Variants in MYO18A observed in about 807,000 individuals in gnomAD.
MYO18A encodes the protein unconventional myosin-XVIIIa.
In MYO18A, 78 loss-of-function variants were observed where a neutral mutation model predicts 235.8. That is an observed-to-expected ratio of 0.33 (90% CI 0.28 to 0.40). MYO18A has a LOEUF of 0.40. Ranked by LOEUF, MYO18A falls within the 10% of genes least tolerant of loss-of-function variation. MYO18A has a pLI of 1.00. For missense variants in MYO18A, 2,215 were observed against 2,699.3 expected (o/e 0.82, Z 3.98); for synonymous variants, 977 against 1,077.8 (o/e 0.91, Z 1.83).
intron 1 of MYO18A, among the ~76,000 whole-genome samples, chr17:29,171,245 C>T (rs188124418): frequency 6.6e-6 from 1 of 151,892 alleles, no homozygotes; most frequent in Non-Finnish European, 1.5e-5. Context: ...GCCAAGAGAT[C>T]GAGACCATCC....
chr17:29,132,651 C>T (rs529296167), intron 2 of MYO18A, among the ~76,000 whole-genome samples: 7 of 152,190 alleles, frequency 4.6e-5, no homozygotes, highest in Non-Finnish European at 1.0e-4. Flanking sequence ...ATTAGCAGTG[C>T]CAGGGGCACT....
chr17:29,089,419 C>CA (rs56389977), intron 37 of MYO18A, among the ~76,000 whole-genome samples: 14,515 of 23,678 alleles, frequency 0.61, 5,846 homozygotes, highest in East Asian at 0.66. Context: ...GACTCTGTCT[C>CA]AAAAAAAAAA....
chr17:29,138,772 C>T (rs1370410796), intron 2 of MYO18A, among the ~76,000 whole-genome samples: 1 of 152,180 alleles, frequency 6.6e-6, no homozygotes, highest in African/African-American at 2.4e-5. Context: ...GGGACTCACA[C>T]TCAGGTCTCC....
In MYO18A at chr17:29,115,459, C is replaced by A. The variant is rs778181824; in HGVS notation, c.2228-18G>T. On this transcript the variant is annotated intron_variant, in intron 12 of 41. Transcript: ENST00000527372. ...TTTCGGGCCTGTGGGGCAGGGGGAG[C>A]AGCGCTATCTCCTTCTCCCCAGGGC... 6.2e-7 allele frequency: 1 copy of A among 1,610,522 alleles called. No individual in the cohort carries two copies. The highest frequency in any genetic ancestry group is 8.5e-7 in the Non-Finnish European group (1 of 1,178,578).
chr17:29,153,025 G>A (rs1804618018), intron 2 of MYO18A, among the ~76,000 whole-genome samples: 1 of 152,162 alleles, frequency 6.6e-6, no homozygotes, highest in South Asian at 2.1e-4. Flanking sequence ...AATGCTCACT[G>A]ACTCTAGGCA....
chr17:29,086,906 G>A (rs1256466469), intron 38 of MYO18A, 30 bp downstream of exon 38: 1 of 1,593,122 alleles, frequency 6.3e-7, no homozygotes, highest in Admixed American at 1.7e-5. Context: ...GGGCTGCCAT[G>A]TGGGCCCCGT....
intron 36 of MYO18A, 43 bp from the exon 37 acceptor site, chr17:29,090,141 A>G (rs764924411): frequency 2.5e-6 from 4 of 1,592,536 alleles, no homozygotes; most frequent in Middle Eastern, 1.7e-4. Flanking sequence ...CTGAGCCCAG[A>G]AAGGGAGGAG....
At chr17:29,130,474 C>CCTCACACACACA (rs1470883412) in intron 2 of MYO18A, among the ~76,000 whole-genome samples, 1 of 142,140 alleles carries the variant, frequency 7.0e-6, no homozygotes, top group African/African-American at 2.6e-5. Context: ...GAGGCCTCTC[C>CCTCACACACACA]CACACACACA....
intron 37 of MYO18A, 64 bp downstream of exon 37, chr17:29,089,897 C>T (rs979243940): frequency 5.6e-6 from 9 of 1,597,234 alleles, no homozygotes; most frequent in Admixed American, 3.4e-5. Flanking sequence ...GCTGAGCATG[C>T]GCGGCTCCAG....
At chr17:29,145,111 G>A (rs1441746435) in intron 2 of MYO18A, among the ~76,000 whole-genome samples, 4 of 152,146 alleles carry the variant, frequency 2.6e-5, no homozygotes, top group Non-Finnish European at 5.9e-5. Context: ...CTAATGTTCT[G>A]AATGATAATC....
At chr17:29,149,074 G>C (rs995473983) in intron 2 of MYO18A, among the ~76,000 whole-genome samples, 1 of 152,178 alleles carries the variant, frequency 6.6e-6, no homozygotes, top group African/African-American at 2.4e-5. Context: ...CGCTTTGCTG[G>C]GGCCGCTTTC....
chr17:29,097,519 G>A (rs942441783), intron 26 of MYO18A, among the ~76,000 whole-genome samples, 169 bp from the exon 27 acceptor site: 9 of 152,364 alleles, frequency 5.9e-5, no homozygotes, highest in Admixed American at 5.9e-4. Flanking sequence ...CTAGCCAGGA[G>A]AAGACCAGAG....
intron 2 of MYO18A, among the ~76,000 whole-genome samples, chr17:29,160,077 AG>A (rs2068141226): frequency 6.6e-6 from 1 of 152,226 alleles, no homozygotes; most frequent in Non-Finnish European, 1.5e-5. Flanking sequence ...TTACCCTCCC[AG>A]GGTGGCTTTA....
At chr17:29,148,387 C>T (rs569031922) in intron 2 of MYO18A, among the ~76,000 whole-genome samples, 1 of 152,284 alleles carries the variant, frequency 6.6e-6, no homozygotes, top group Admixed American at 6.5e-5. Flanking sequence ...GAGCTCAGGG[C>T]CAGGAGGGCC....
Position 29,180,257 on chromosome 17 carries a change from C to T in MYO18A, c.-82+56G>A, listed in dbSNP as rs2068621643. 1.3e-5 allele frequency: 2 copies of T among 149,968 alleles called. No homozygotes were observed. The highest frequency in any genetic ancestry group is 4.9e-5 in the African/African-American group (2 of 41,122). 9.3% of individuals were successfully genotyped at this position (149,968 alleles called of 1,614,324 possible). On this transcript the variant is annotated intron_variant, in intron 1 of 41. Coordinates refer to ENST00000527372, the MANE Select transcript of MYO18A (RefSeq NM_078471.4). The surrounding 1 kb of genome is among the most constrained non-coding windows in gnomAD (Gnocchi z 6.1). ...CCCTCCCGGCCGGAGCCCGCCCCGC[C>T]GCCCCACCAAGCCGGGCCCGCCACC...
chr17:29,166,315 G>C lies in MYO18A; in HGVS notation c.626C>G (p.Pro209Arg). The change falls in exon 2 of 42, where the codon CCC (proline) becomes CGC (arginine). Residue 209 changes from proline to arginine, a missense_variant. By Grantham distance (103) the Pro-to-Arg change is moderately radical. Transcript: ENST00000527372. ...KKFPVDLRLPPVVPLPPPTLR... is the reference protein window; with the variant it reads ...KKFPVDLRLPRVVPLPPPTLR... ...GGTAGGTGGGGGCAGGGGCACCACGGGGGGCAGGCGCAGGTCGACTGGGAA... is the reference window on the plus strand; with the variant it reads ...GGTAGGTGGGGGCAGGGGCACCACGCGGGGCAGGCGCAGGTCGACTGGGAA... The C allele has an allele frequency of 6.2e-7, 1 of 1,612,576 alleles. No homozygotes were observed. The highest frequency in any genetic ancestry group is 1.1e-5 in the South Asian group (1 of 91,076).
At chr17:29,150,949 T>C (rs2067953015) in intron 2 of MYO18A, among the ~76,000 whole-genome samples, 1 of 152,164 alleles carries the variant, frequency 6.6e-6, no homozygotes, top group South Asian at 2.1e-4. Flanking sequence ...TCAGCTCATC[T>C]GGGGAGGAGA....
rs747368487 is a variant in MYO18A at position 29,128,398 on chromosome 17, G to A, written c.1000-6145C>T. ...ACAGGCCCTGGGCCTCTTCGCTTAG[G>A]CCTTCTGCTGTGGCAGCTCCCGGGC... On this transcript the variant is annotated intron_variant, in intron 2 of 41. Transcript: ENST00000527372. The A allele has an allele frequency of 3.3e-5, 42 of 1,289,054 alleles. No individual in the cohort carries two copies. In the Middle Eastern group the frequency reaches 3.8e-3, roughly 115 times the overall value. 79.9% of individuals were successfully genotyped at this position (1,289,054 alleles called of 1,614,324 possible). A position where few individuals can be genotyped will look rare whatever the true frequency, so the allele number is the denominator to read the frequency against.
At chr17:29,138,236 T>C (rs1176827875) in intron 2 of MYO18A, among the ~76,000 whole-genome samples, 3 of 152,048 alleles carry the variant, frequency 2.0e-5, no homozygotes, top group African/African-American at 7.3e-5. Flanking sequence ...ACACCAGACA[T>C]CTGCACACTG....
Sources: gnomAD v4.1 joint callset for allele counts (sites outside exome capture counted in the v4.1 genomes callset) on GRCh38, gnomAD v4.1.1 for gene constraint, Gnocchi (gnomAD v3.1) non-coding constraint, MANE v1.5 for transcripts, NCBI Gene and HGNC (gene_info 2026-07-23, HGNC 2026-07-21) for gene names.